Variants in GALNT13 observed in about 807,000 individuals in gnomAD.
GALNT13 encodes UDP-GalNAc:polypeptide N-acetylgalactosaminyltransferase 13.
Under a neutral mutation model 64.2 loss-of-function variants are expected in GALNT13, and 28 were observed. The observed-to-expected ratio is 0.44, with a 90% CI of 0.32 to 0.60. GALNT13 has a LOEUF of 0.60. GALNT13 is among the 20% of genes least tolerant of loss of function. The pLI is 0.05. For missense variants in GALNT13, 577 were observed against 669.8 expected, an observed-to-expected ratio of 0.86 and a Z score of 1.53; for synonymous variants, 214 against 224.6, an observed-to-expected ratio of 0.95 and a Z score of 0.42.
intron 12 of GALNT13, among the ~76,000 whole-genome samples, chr2:154,447,813 A>G (rs986393408): frequency 6.6e-6 from 1 of 152,052 alleles, no homozygotes; most frequent in Non-Finnish European, 1.5e-5. Context: ...AAGAGAACTT[A>G]TGTACAGAGC....
the GALNT13 span, among the ~76,000 whole-genome samples, chr2:153,461,479 C>A: frequency 6.6e-6 from 1 of 152,072 alleles, no homozygotes; most frequent in Non-Finnish European, 1.5e-5. Flanking sequence ...TAATGACAGA[C>A]TAAAGATGAG....
At chr2:153,309,356 C>A in the GALNT13 span, among the ~76,000 whole-genome samples, 1 of 152,132 alleles carries the variant, frequency 6.6e-6, no homozygotes, top group Non-Finnish European at 1.5e-5. Context: ...CTTTCTATAA[C>A]ATGTACAAGT....
At chr2:153,846,718 CA>C in the GALNT13 span, among the ~76,000 whole-genome samples, 1 of 151,860 alleles carries the variant, frequency 6.6e-6, no homozygotes, top group African/African-American at 2.4e-5. Context: ...AAAGAAAATC[CA>C]AAAAACAGAC....
At chr2:154,354,092 A>G (rs1197171258) in intron 9 of GALNT13, among the ~76,000 whole-genome samples, 1 of 152,196 alleles carries the variant, frequency 6.6e-6, no homozygotes, top group Non-Finnish European at 1.5e-5. Context: ...CTCATTGATA[A>G]GAGCCATATT....
At chr2:154,173,998 A>G (rs1573808129) in intron 4 of GALNT13, among the ~76,000 whole-genome samples, 1 of 152,164 alleles carries the variant, frequency 6.6e-6, no homozygotes, top group South Asian at 2.1e-4. Flanking sequence ...TCAAAAATCT[A>G]AAAGGAAAAC....
the GALNT13 span, among the ~76,000 whole-genome samples, chr2:153,208,863 T>A: frequency 6.6e-6 from 1 of 152,068 alleles, no homozygotes; most frequent in Non-Finnish European, 1.5e-5. Context: ...TGTAGTGGTA[T>A]CTATTTGTTG....
chr2:154,076,229 A>C (rs771463542), intron 3 of GALNT13, among the ~76,000 whole-genome samples: 1 of 151,896 alleles, frequency 6.6e-6, no homozygotes, highest in South Asian at 2.1e-4. Flanking sequence ...TTCTGTGTGT[A>C]AGTGGTTCCC....
At chr2:153,114,225 C>T in the GALNT13 span, among the ~76,000 whole-genome samples, 5 of 152,058 alleles carry the variant, frequency 3.3e-5, no homozygotes, top group Non-Finnish European at 7.3e-5. Context: ...CCCATGATCT[C>T]GCTTGAACGT....
At chr2:153,493,103 C>A in the GALNT13 span, among the ~76,000 whole-genome samples, 1 of 151,566 alleles carries the variant, frequency 6.6e-6, no homozygotes, top group East Asian at 1.9e-4. Flanking sequence ...AGCTAAGGTA[C>A]CACCAGAAGA....
chr2:153,953,853 G>T (rs1692375239), intron 3 of GALNT13, among the ~76,000 whole-genome samples: 1 of 151,994 alleles, frequency 6.6e-6, no homozygotes, highest in African/African-American at 2.4e-5. Flanking sequence ...CTCTGAATTG[G>T]GGGAAATCAA....
the GALNT13 span, among the ~76,000 whole-genome samples, chr2:153,365,691 G>A: frequency 3.3e-5 from 5 of 152,182 alleles, no homozygotes; most frequent in African/African-American, 1.2e-4. Flanking sequence ...AAACCACAAT[G>A]AGATACTATC....
intron 3 of GALNT13, among the ~76,000 whole-genome samples, chr2:153,988,052 G>A (rs1184131857): frequency 7.6e-6 from 1 of 131,950 alleles, no homozygotes; most frequent in Non-Finnish European, 1.7e-5. Context: ...GAGGGTAGGA[G>A]GTGACATATA....
the GALNT13 span, among the ~76,000 whole-genome samples, chr2:153,325,173 A>G: frequency 8.6e-6 from 1 of 116,336 alleles, no homozygotes. Flanking sequence ...CCTCAATTTC[A>G]GAACTTGTTA....
Position 154,438,689 on chromosome 2 carries a change from A to T in GALNT13, c.1493A>T (p.His498Leu). ...CCTGTAATCATGTTAAAATGCCACC[A>T]TATGAGAGGAAATCAGTTATGGGAA... ...NGPVIMLKCH[H>L]MRGNQLWEYD... The change falls in exon 12 of 13, where the codon CAT (histidine) becomes CTT (leucine). Residue 498 changes from histidine to leucine, a missense_variant. Physicochemically the swap from His to Leu is moderately conservative, Grantham distance 99. This residue lies in a region of GALNT13 where 232 missense variants were observed against 270.6 expected (regional missense o/e 0.86). Coordinates refer to ENST00000392825, the MANE Select transcript of GALNT13 (RefSeq NM_052917.4). 3 of 1,611,324 alleles carry T rather than the reference A, an allele frequency of 1.9e-6. No homozygotes were observed. Among genetic ancestry groups the T allele is most frequent in the Non-Finnish European group, 1.7e-6 (2 of 1,177,718 alleles).
At chr2:154,382,646 C>T (rs1198440806) in intron 9 of GALNT13, among the ~76,000 whole-genome samples, 1 of 151,962 alleles carries the variant, frequency 6.6e-6, no homozygotes, top group Non-Finnish European at 1.5e-5. Flanking sequence ...CTGCGGGTAA[C>T]TAATGATTCT....
intron 4 of GALNT13, among the ~76,000 whole-genome samples, chr2:154,175,941 C>T (rs960692244): frequency 1.3e-5 from 2 of 151,918 alleles, no homozygotes; most frequent in Non-Finnish European, 2.9e-5. Context: ...TTATTTCTTA[C>T]TTAGAAATTA....
the GALNT13 span, among the ~76,000 whole-genome samples, chr2:153,484,288 G>A: frequency 6.6e-6 from 1 of 151,774 alleles, no homozygotes; most frequent in Non-Finnish European, 1.5e-5. Flanking sequence ...TTTGTCCATG[G>A]CATTAAAAAC....
chr2:153,906,211 G>T (rs1688550697), intron 2 of GALNT13, among the ~76,000 whole-genome samples: 1 of 150,640 alleles, frequency 6.6e-6, no homozygotes. Flanking sequence ...TTAATGTTGA[G>T]TTCAAGCTAA....
intron 9 of GALNT13, among the ~76,000 whole-genome samples, chr2:154,310,790 A>G (rs1375914771): frequency 6.6e-6 from 1 of 152,086 alleles, no homozygotes; most frequent in African/African-American, 2.4e-5. Flanking sequence ...CTCTTTACCT[A>G]ATCTCTGCAC....
Sources: allele counts gnomAD v4.1 joint callset (sites outside exome capture counted in the v4.1 genomes callset), GRCh38; gene constraint gnomAD v4.1.1; regional missense constraint gnomAD v4.1.1; transcripts MANE v1.5; gene names NCBI Gene and HGNC (gene_info 2026-07-23, HGNC 2026-07-21).